The following UHRF1 variants were observed in gnomAD, a reference collection of about 807,000 sequenced individuals.
UHRF1 encodes the protein E3 ubiquitin-protein ligase UHRF1.
A neutral mutation model predicts 96.5 loss-of-function variants in UHRF1; 9 were observed. The ratio of observed to expected loss-of-function variants is 0.09; its 90% CI spans 0.06 to 0.16. The LOEUF is 0.16. Among genes scored for constraint, UHRF1 ranks in the 10% least tolerant of loss-of-function variants. The pLI is 1.00. For missense variants in UHRF1, 626 were observed against 1,131.1 expected (o/e 0.55, Z 6.40); for synonymous variants, 455 against 469.9 (o/e 0.97, Z 0.41).
chr19:4,947,900 C>T (rs2033616111), intron 11 of UHRF1, among the ~76,000 whole-genome samples: 1 of 151,370 alleles, frequency 6.6e-6, no homozygotes, highest in African/African-American at 2.4e-5. Context: ...GAGTTCAAGA[C>T]CAGCCTGGGC....
At chr19:4,905,506 ATTATTTAT>A (rs530528534), upstream of UHRF1, among the ~76,000 whole-genome samples, 3 of 149,446 alleles carry the variant, frequency 2.0e-5, no homozygotes, top group Non-Finnish European at 3.0e-5. Context: ...AGTGTATTTT[ATTATTTAT>A]TTATTTATTT....
At chr19:4,912,815 A>G (rs2032336260) in intron 2 of UHRF1, among the ~76,000 whole-genome samples, 1 of 152,134 alleles carries the variant, frequency 6.6e-6, no homozygotes, top group Admixed American at 6.6e-5. Flanking sequence ...GCTGTGTTGC[A>G]GTGGCACGAT....
In UHRF1 at chr19:4,954,735, C is replaced by T; in HGVS notation, c.2043C>T (p.Ser681=). Residue 681 remains serine, a synonymous_variant, in exon 15 of 17, where the codon AGC becomes AGT. Transcript: ENST00000650932. This position sits in a 1 kb window ranked among gnomAD's most constrained non-coding sequence, Gnocchi z 5.9. ...CCTACAGTCTCACGGCCCAGCAGAG[C>T]AGCCTCATCAGAGAGGACAAGAGCA... ...VEPYSLTAQQ[S]SLIREDKSNA... is the part of the protein sequence containing the mutation. 6.2e-7 allele frequency: 1 copy of T among 1,613,802 alleles called. No homozygotes were observed. Among genetic ancestry groups the T allele is most frequent in the Non-Finnish European group, 8.5e-7 (1 of 1,179,806 alleles).
At chr19:4,925,091 T>C (rs1001009314) in intron 2 of UHRF1, among the ~76,000 whole-genome samples, 3 of 151,944 alleles carry the variant, frequency 2.0e-5, no homozygotes, top group Non-Finnish European at 4.4e-5. Context: ...CCTCCCAGAG[T>C]GTTGAGATGA....
Position 4,904,304 on chromosome 19 carries a change from G to A in UHRF1, c.-11+659G>A, listed in dbSNP as rs2032016660. 4.0e-5 allele frequency among the ~76,000 whole-genome samples: 6 copies of A among 151,852 alleles called. No homozygotes were observed. The South Asian group carries it at 8.3e-4, about 21-fold the overall frequency. Reference sequence around the variant, plus strand: ...TGCCATTCTCCTGCCTCAGCTTCCCGAGTAGCTGGGACTACAGGCGTCCGC... The same window carrying A: ...TGCCATTCTCCTGCCTCAGCTTCCCAAGTAGCTGGGACTACAGGCGTCCGC... On this transcript the variant is annotated intron_variant, in intron 1 of 16. Transcript: ENST00000612630.
chr19:4,956,922 G>A (rs899445618), intron 16 of UHRF1, 109 bp downstream of exon 16: 17 of 788,710 alleles, frequency 2.2e-5, no homozygotes, highest in Non-Finnish European at 1.3e-5. Flanking sequence ...GCTTTGCTCC[G>A]CTCACTCTGC....
intron 2 of UHRF1, among the ~76,000 whole-genome samples, chr19:4,919,085 C>T (rs535117007): frequency 4.7e-5 from 7 of 147,604 alleles, no homozygotes; most frequent in Admixed American, 2.8e-4. Flanking sequence ...AGTGCAGCGG[C>T]GCGATCTCGA....
intron 16 of UHRF1, among the ~76,000 whole-genome samples, chr19:4,958,370 G>A (rs1464699052): frequency 6.6e-6 from 1 of 152,220 alleles, no homozygotes; most frequent in Admixed American, 6.5e-5. Context: ...TGAAGGTCCC[G>A]GCTTAGCCTC....
upstream of UHRF1, chr19:4,909,425 G>A (rs2032156815): frequency 3.1e-6 from 2 of 651,806 alleles, no homozygotes; most frequent in Non-Finnish European, 5.5e-6. Context: ...CCAATCAGGA[G>A]GCAGGCGCCC....
chr19:4,960,206 G>A (rs1267674826), intron 16 of UHRF1, among the ~76,000 whole-genome samples: 1 of 152,210 alleles, frequency 6.6e-6, no homozygotes, highest in African/African-American at 2.4e-5. Context: ...GGTGTTGAGA[G>A]AGAACACAGC....
In UHRF1 at chr19:4,954,370, A is replaced by G; in HGVS notation, c.1839A>G (p.Glu613=). Residue 613 remains glutamate (E), a synonymous_variant, in exon 14 of 17, where the codon GAA becomes GAG. Transcript: ENST00000650932. The surrounding 1 kb of genome is among the most constrained non-coding windows in gnomAD (Gnocchi z 5.9). ...TGAAGTATCCAGAAGGCTACCTGGAAGCCCTGGCCAACCGAGAGCGAGAGA... is the reference window on the plus strand; with the variant it reads ...TGAAGTATCCAGAAGGCTACCTGGAGGCCCTGGCCAACCGAGAGCGAGAGA... The part of the protein sequence containing the change: ...LTMQYPEGYL[E]ALANREREKE... 6.2e-7 allele frequency: 1 copy of G among 1,613,094 alleles called. No individual in the cohort carries two copies. The highest frequency in any genetic ancestry group is 8.5e-7 in the Non-Finnish European group (1 of 1,179,764).
intron 2 of UHRF1, among the ~76,000 whole-genome samples, chr19:4,923,101 C>T (rs901729273): frequency 2.0e-5 from 3 of 152,132 alleles, no homozygotes; most frequent in South Asian, 4.1e-4. Flanking sequence ...CCCTCCTGGC[C>T]GCCCAGACCA....
intron 5 of UHRF1, among the ~76,000 whole-genome samples, chr19:4,939,410 T>G (rs2033317812): frequency 6.6e-6 from 1 of 151,828 alleles, no homozygotes; most frequent in Non-Finnish European, 1.5e-5. Context: ...TCTTGCTGTT[T>G]GCTGTCTCAC....
At chr19:4,942,319 T>A (rs2033431421) in intron 7 of UHRF1, among the ~76,000 whole-genome samples, 1 of 151,818 alleles carries the variant, frequency 6.6e-6, no homozygotes, top group Non-Finnish European at 1.5e-5. Flanking sequence ...GCCTCCCGAG[T>A]AGCTGGGACT....
chr19:4,907,750 T>C (rs1599229351), upstream of UHRF1, among the ~76,000 whole-genome samples: 1 of 145,144 alleles, frequency 6.9e-6, no homozygotes, highest in East Asian at 2.1e-4. Flanking sequence ...TTTGCTTTTG[T>C]TGCCCAGGCT....
rs547855914 is a variant in UHRF1 at position 4,945,777 on chromosome 19, C to T, written c.1306-84C>T. 1,740 of 1,186,446 alleles carry T rather than the reference C, an allele frequency of 1.5e-3. 2 individuals carry two copies. Among genetic ancestry groups the T allele is most frequent in the Non-Finnish European group, 1.8e-3 (1,496 of 819,370 alleles). 73.5% of individuals were successfully genotyped at this position (1,186,446 alleles called of 1,614,324 possible). ...TGTAAAAGTGAGGCCGCTGGCTGCT[C>T]GGGGTAGGGAGGAGGAGGGCGGTGG... On this transcript the variant is annotated intron_variant, in intron 9 of 16. Transcript: ENST00000650932.
Position 4,954,568 on chromosome 19 carries a change from C to A in UHRF1, c.1957+80C>A, listed in dbSNP as rs1437092221. 1.3e-6 allele frequency: 2 copies of A among 1,586,162 alleles called. No individual in the cohort carries two copies. Among genetic ancestry groups the A allele is most frequent in the South Asian group, 1.2e-5 (1 of 86,524 alleles). On this transcript the variant is annotated intron_variant, in intron 14 of 16. Coordinates refer to ENST00000650932, the MANE Select transcript of UHRF1 (RefSeq NM_001048201.3). This position sits in a 1 kb window ranked among gnomAD's most constrained non-coding sequence, Gnocchi z 5.9. ...CATCTCGCGGGTGTGGGGTTGAGGT[C>A]GTGTGGACGTGGGAGCCGGTGGCTG... is the stretch of plus-strand genomic sequence containing the variant.
At chr19:4,931,358 C>T (rs764920420) in intron 4 of UHRF1, among the ~76,000 whole-genome samples, 1 of 152,250 alleles carries the variant, frequency 6.6e-6, no homozygotes, top group Non-Finnish European at 1.5e-5. Flanking sequence ...CTCACTGCAA[C>T]CTCTGCCTCC....
intron 2 of UHRF1, among the ~76,000 whole-genome samples, chr19:4,915,369 A>G (rs2032453852): frequency 6.6e-6 from 1 of 152,182 alleles, no homozygotes; most frequent in Non-Finnish European, 1.5e-5. Context: ...GCAGCTGTAG[A>G]CAATCTGTAA....
Sources: gnomAD v4.1 joint callset for allele counts (sites outside exome capture counted in the v4.1 genomes callset) on GRCh38, gnomAD v4.1.1 for gene constraint, Gnocchi (gnomAD v3.1) non-coding constraint, MANE v1.5 for transcripts, NCBI Gene and HGNC (gene_info 2026-07-23, HGNC 2026-07-21) for gene names.